CLPX: variants seen among roughly 807,000 people sequenced by gnomAD.
CLPX encodes the protein ATP-dependent clpX-like chaperone, mitochondrial.
CLPX carries 34 observed loss-of-function variants against 76.4 expected under a neutral mutation model. That is an observed-to-expected ratio of 0.45 (90% CI 0.34 to 0.59). The LOEUF (loss-of-function observed/expected upper bound fraction) is 0.59, where lower values mean the gene tolerates loss of function less well. Among genes scored for constraint, CLPX ranks in the 20% least tolerant of loss-of-function variants. The probability of loss-of-function intolerance (pLI) is 0.01; values close to 1 mark genes in which losing one functional copy is unlikely to be tolerated. For synonymous variants in CLPX, 248 were observed against 270.9 expected (o/e 0.92, Z 0.83); for missense variants, 613 against 757.0 (o/e 0.81, Z 2.23).
Position 65,185,159 on chromosome 15 carries a change from C to A in CLPX, c.-6G>T. 6.4e-7 allele frequency: 1 copy of A among 1,561,110 alleles called. No individual in the cohort carries two copies. Among genetic ancestry groups the A allele is most frequent in the Non-Finnish European group, 8.7e-7 (1 of 1,152,326 alleles). On this transcript the variant is annotated 5_prime_UTR_variant, in exon 1 of 14. Transcript: ENST00000300107. ...CAAGCACCGCAGCTGGGCATCTCCGCGAGGCCTAGGCCGGGGCTTCGCCCC... is the reference window on the plus strand; with the variant it reads ...CAAGCACCGCAGCTGGGCATCTCCGAGAGGCCTAGGCCGGGGCTTCGCCCC...
chr15:65,156,575 C>T, intron 9 of CLPX: 1 of 379,656 alleles, frequency 2.6e-6, no homozygotes, highest in East Asian at 4.8e-5. Context: ...AAATGTTTAA[C>T]TGGGCCTTTG....
intron 3 of CLPX, among the ~76,000 whole-genome samples, chr15:65,176,933 C>A (rs1450836380): frequency 2.7e-5 from 4 of 150,542 alleles, no homozygotes; most frequent in Non-Finnish European, 4.4e-5. Flanking sequence ...TGAAATGTTT[C>A]TTTGAAGAAA....
At chr15:65,169,746 T>C (rs1020576996) in intron 3 of CLPX, among the ~76,000 whole-genome samples, 1 of 151,654 alleles carries the variant, frequency 6.6e-6, no homozygotes, top group Non-Finnish European at 1.5e-5. Context: ...TGTAGATATA[T>C]GGATATATTT....
chr15:65,178,082 C>G (rs2140648010), intron 3 of CLPX, among the ~76,000 whole-genome samples: 1 of 152,308 alleles, frequency 6.6e-6, no homozygotes, highest in Non-Finnish European at 1.5e-5. Flanking sequence ...GTGTGAGTCA[C>G]TGTGCCCAGC....
chr15:65,175,871 G>C (rs1011656561), intron 3 of CLPX, among the ~76,000 whole-genome samples: 3 of 152,096 alleles, frequency 2.0e-5, no homozygotes, highest in Non-Finnish European at 2.9e-5. Context: ...TTTTATTATG[G>C]GTACACAAAA....
In CLPX at chr15:65,185,147, T is replaced by TG; in HGVS notation, c.6dup (p.Ser3GlnfsTer43). On this transcript the variant is annotated frameshift_variant, in exon 1 of 14. Coordinates refer to ENST00000300107, the MANE Select transcript of CLPX (RefSeq NM_006660.5). LOFTEE classifies it high-confidence loss of function. The stretch of plus-strand genomic sequence containing the variant: ...GCGCCGCAAGTACAAGCACCGCAGC[T>TG]GGGCATCTCCGCGAGGCCTAGGCCG... 1 of 1,568,616 alleles carries TG rather than the reference T, an allele frequency of 6.4e-7. No homozygotes were observed.
At chr15:65,183,534 G>A (rs1291333679) in intron 1 of CLPX, among the ~76,000 whole-genome samples, 2 of 143,796 alleles carry the variant, frequency 1.4e-5, no homozygotes, top group South Asian at 4.5e-4. Flanking sequence ...AAGAAAGACA[G>A]AAAGGAAAGA....
At chr15:65,167,250 T>C (rs1000666640) in intron 3 of CLPX, among the ~76,000 whole-genome samples, 10 of 152,038 alleles carry the variant, frequency 6.6e-5, no homozygotes, top group African/African-American at 2.4e-4. Flanking sequence ...TTTGTATTTT[T>C]AGAAGAGACA....
intron 11 of CLPX, among the ~76,000 whole-genome samples, chr15:65,154,021 G>T (rs1248073124): frequency 6.6e-6 from 1 of 152,198 alleles, no homozygotes; most frequent in Non-Finnish European, 1.5e-5. Context: ...TAAGGGAGCA[G>T]CAAAGGGGGA....
At chr15:65,182,471 T>C (rs1267802531) in intron 1 of CLPX, among the ~76,000 whole-genome samples, 2 of 152,248 alleles carry the variant, frequency 1.3e-5, no homozygotes, top group African/African-American at 4.8e-5. Flanking sequence ...ATAATTACTA[T>C]GATTTCAAAG....
rs1566982635 is a variant in CLPX at position 65,166,799 on chromosome 15, CA to C, written c.359-15del. On this transcript the variant is annotated splice_polypyrimidine_tract_variant and intron_variant, in intron 3 of 13. Transcript: ENST00000300107. ...AACGGGTGGATGCTGTAAAAGAAAACAGACATAAGTAGAGGGAAATAAAAAA... is the reference window on the plus strand; with the variant it reads ...AACGGGTGGATGCTGTAAAAGAAAACGACATAAGTAGAGGGAAATAAAAAA... The C allele has an allele frequency of 6.2e-7, 1 of 1,609,146 alleles. No homozygotes were observed. Among genetic ancestry groups the C allele is most frequent in the South Asian group, 1.1e-5 (1 of 90,422 alleles).
intron 3 of CLPX, among the ~76,000 whole-genome samples, chr15:65,168,818 G>A (rs966902679): frequency 6.6e-6 from 1 of 151,480 alleles, no homozygotes; most frequent in Non-Finnish European, 1.5e-5. Context: ...CAATGGATCA[G>A]CTACAGTATA....
intron 3 of CLPX, among the ~76,000 whole-genome samples, chr15:65,170,062 C>CT (rs1182840147): frequency 2.8e-4 from 43 of 151,188 alleles, no homozygotes; most frequent in African/African-American, 9.4e-4. Flanking sequence ...CACCCAGCGA[C>CT]TTTTTTTTTA....
At chr15:65,152,565 T>G (rs768821196) in intron 12 of CLPX, 29 bp from the exon 13 acceptor site, 1 of 1,255,968 alleles carries the variant, frequency 8.0e-7, no homozygotes, top group African/African-American at 1.5e-5. Flanking sequence ...ATGAATCACA[T>G]TGAAAACAGA....
chr15:65,149,553 CTAAA>C lies in CLPX; in HGVS notation c.*1266_*1269del. ...CAATTCCATGTACTCACCCATAGTA[CTAAA>C]ATGGATTAAAGATGGTAAATAAGGC... On this transcript the variant is annotated 3_prime_UTR_variant, in exon 14 of 14. Transcript: ENST00000300107. 2.2e-6 allele frequency: 1 copy of C among 453,150 alleles called. No individual in the cohort carries two copies. The allele number at this position is 453,150 out of a possible 1,614,324, so 28.1% of individuals were successfully genotyped here.
intron 6 of CLPX, among the ~76,000 whole-genome samples, chr15:65,160,611 TCTCTCTCTCTCTCACA>T (rs1437577828): frequency 3.0e-5 from 4 of 131,452 alleles, no homozygotes; most frequent in Non-Finnish European, 6.3e-5. Flanking sequence ...TCTCTCTCTC[TCTCTCTCTCTCTCACA>T]CACACACACA....
At chr15:65,174,751 G>T (rs987673763) in intron 3 of CLPX, among the ~76,000 whole-genome samples, 4 of 152,050 alleles carry the variant, frequency 2.6e-5, no homozygotes, top group Non-Finnish European at 5.9e-5. Flanking sequence ...TCCTGCAGTC[G>T]GCCCTGTGGA....
intron 6 of CLPX, among the ~76,000 whole-genome samples, chr15:65,162,231 T>A (rs561552705): frequency 6.6e-6 from 1 of 152,180 alleles, no homozygotes; most frequent in South Asian, 2.1e-4. Flanking sequence ...GACTTACTCA[T>A]AATTTGTAAG....
chr15:65,160,335 G>A (rs1706155653), intron 6 of CLPX, among the ~76,000 whole-genome samples: 1 of 152,076 alleles, frequency 6.6e-6, no homozygotes, highest in Non-Finnish European at 1.5e-5. Context: ...TGCTACCTTT[G>A]AGGGTTAATA....
Sources: gnomAD v4.1 joint callset for allele counts (sites outside exome capture counted in the v4.1 genomes callset) on GRCh38, gnomAD v4.1.1 for gene constraint, MANE v1.5 for transcripts, NCBI Gene and HGNC (gene_info 2026-07-23, HGNC 2026-07-21) for gene names.